CRISPLD2: variants seen among roughly 807,000 people sequenced by gnomAD.
The protein encoded by CRISPLD2 is cysteine-rich secretory protein LCCL domain-containing 2.
Under a neutral mutation model 71.1 loss-of-function variants are expected in CRISPLD2, and 47 were observed. That is an observed-to-expected ratio of 0.66 (90% CI 0.52 to 0.84). The LOEUF (loss-of-function observed/expected upper bound fraction) is 0.84, where lower values mean the gene tolerates loss of function less well. Among genes scored for constraint, CRISPLD2 ranks in the 40% least tolerant of loss-of-function variants. The pLI is 0.00. For synonymous variants in CRISPLD2, 317 were observed against 250.1 expected (o/e 1.27, Z -2.52); for missense variants, 830 against 651.1 (o/e 1.27, Z -2.99).
At chr16:84,877,292 G>C in intron 11 of CRISPLD2, 146 bp from the exon 12 acceptor site, 1 of 606,944 alleles carries the variant, frequency 1.6e-6, no homozygotes, top group Non-Finnish European at 2.9e-6. Context: ...GGGGTACGAG[G>C]AGCCTGCTGG....
At chr16:84,831,613 C>A (rs1470596684) in intron 1 of CRISPLD2, among the ~76,000 whole-genome samples, 1 of 151,706 alleles carries the variant, frequency 6.6e-6, no homozygotes, top group African/African-American at 2.4e-5. Flanking sequence ...ACCATGTTTC[C>A]CAGGCTGGTC....
chr16:84,848,115 C>G (rs1916965245), intron 3 of CRISPLD2, among the ~76,000 whole-genome samples: 2 of 152,148 alleles, frequency 1.3e-5, no homozygotes, highest in Admixed American at 1.3e-4. Context: ...CTCTGCATGG[C>G]CCCCCGGGGC....
At chr16:84,880,217 T>C (rs1174613586) in intron 12 of CRISPLD2, among the ~76,000 whole-genome samples, 1 of 152,218 alleles carries the variant, frequency 6.6e-6, no homozygotes, top group African/African-American at 2.4e-5. Context: ...AATTCCACAC[T>C]CTTCTCTCTT....
rs2071814993 is a variant in CRISPLD2 at position 84,907,573 on chromosome 16, T to C, written c.*931T>C. The C allele has an allele frequency of 6.6e-6, 1 of 152,196 alleles. No individual in the cohort carries two copies. The allele number at this position is 152,196 out of a possible 1,614,324, so 9.4% of individuals were successfully genotyped here. A position where few individuals can be genotyped will look rare whatever the true frequency, so the allele number is the denominator to read the frequency against. On this transcript the variant is annotated 3_prime_UTR_variant, in exon 15 of 15. Coordinates refer to ENST00000262424, the MANE Select transcript of CRISPLD2 (RefSeq NM_031476.4). ...GTCTTAACTCCTGGTCTCGTAAGGT[T>C]CCACTGAGACGAGATGTCTGAGAAC... is the stretch of plus-strand genomic sequence containing the variant.
At chr16:84,885,795 G>A (rs1457531285) in intron 13 of CRISPLD2, among the ~76,000 whole-genome samples, 2 of 150,614 alleles carry the variant, frequency 1.3e-5, no homozygotes, top group Non-Finnish European at 3.0e-5. Flanking sequence ...TGTTAATGTG[G>A]GAATGTTGGA....
intron 14 of CRISPLD2, among the ~76,000 whole-genome samples, chr16:84,890,950 A>G (rs2071656703): frequency 6.6e-6 from 1 of 152,214 alleles, no homozygotes; most frequent in South Asian, 2.1e-4. Context: ...TATTTTTAGT[A>G]GAGATTGGAT....
At position 84,894,279 on chromosome 16, in the gene CRISPLD2, C is replaced by T. The variant is rs116631320; in HGVS notation, c.1439+4916C>T. 3.6e-3 allele frequency among the ~76,000 whole-genome samples: 551 copies of T among 152,230 alleles called. 5 individuals are homozygous for T. Among genetic ancestry groups the T allele is most frequent in the African/African-American group, 0.013 (531 of 41,526 alleles). The stretch of plus-strand genomic sequence containing the variant: ...TGTCTGAATATTCTTGGGGAAATGC[C>T]GGACATCTGGGTGAATGTCAGTTCA... On this transcript the variant is annotated intron_variant, in intron 14 of 14. Transcript: ENST00000262424.
intron 1 of CRISPLD2, among the ~76,000 whole-genome samples, chr16:84,836,917 C>T (rs115497667): frequency 0.012 from 1,783 of 152,296 alleles, 23 homozygotes; most frequent in African/African-American, 0.039. Flanking sequence ...CTGCTTCTTC[C>T]GGCCCTCGAG....
At chr16:84,891,570 G>T (rs1362495205) in intron 14 of CRISPLD2, among the ~76,000 whole-genome samples, 2 of 152,228 alleles carry the variant, frequency 1.3e-5, no homozygotes, top group East Asian at 3.9e-4. Flanking sequence ...GAATTTCCTG[G>T]CCGGGCTGGA....
chr16:84,898,876 T>C (rs1339876247), intron 14 of CRISPLD2, among the ~76,000 whole-genome samples: 1 of 152,108 alleles, frequency 6.6e-6, no homozygotes. Context: ...CTGGGCAACA[T>C]AAGTGAGACC....
rs1483148350 is a variant in CRISPLD2 at position 84,837,431 on chromosome 16, TTC to T, written c.-74-989_-74-988del. Among the ~76,000 whole-genome samples the T allele has an allele frequency of 9.5e-4, 119 of 124,912 alleles. 14 individuals are homozygous for T. Among genetic ancestry groups the T allele is most frequent in the Middle Eastern group, 3.8e-3 (1 of 266 alleles). 81.9% of individuals were successfully genotyped at this position (124,912 alleles called of 152,430 possible). On this transcript the variant is annotated intron_variant, in intron 1 of 14. Coordinates refer to ENST00000262424, the MANE Select transcript of CRISPLD2 (RefSeq NM_031476.4). ...CATAGCTTGCTTTTTTTTTTTTTTTTTCTGAGACGGAGTCTCGCTCTGTCGCC... is the reference window on the plus strand; with the variant it reads ...CATAGCTTGCTTTTTTTTTTTTTTTTTGAGACGGAGTCTCGCTCTGTCGCC...
rs965904093 is a variant in CRISPLD2, at chr16:84,854,765, C to G, written c.645C>G (p.Gly215=). 2.5e-6 allele frequency: 4 copies of G among 1,614,022 alleles called. No individual in the cohort carries two copies. In the African/African-American group the frequency reaches 4.0e-5, roughly 16 times the overall value. The change falls in exon 6 of 15, where the codon GGC becomes GGG. Residue 215 remains glycine (G), a synonymous_variant. Coordinates refer to ENST00000262424, the MANE Select transcript of CRISPLD2 (RefSeq NM_031476.4). ...TTGGAGAAGCCCCCTACAAGAATGG[C>G]CGGCCCTGCTCTGAGTGCCCACCCA... The part of the protein sequence containing the change: ...NWIGEAPYKN[G]RPCSECPPSY...
chr16:84,850,471 C>T (rs1023355831), intron 4 of CRISPLD2, 97 bp from the exon 5 acceptor site: 3 of 912,072 alleles, frequency 3.3e-6, no homozygotes, highest in African/African-American at 3.3e-5. Flanking sequence ...TCACCTCGTA[C>T]CTCTTTAGTG....
At chr16:84,891,342 C>G (rs896562102) in intron 14 of CRISPLD2, among the ~76,000 whole-genome samples, 1 of 152,156 alleles carries the variant, frequency 6.6e-6, no homozygotes, top group Non-Finnish European at 1.5e-5. Flanking sequence ...GCGGGCTTGC[C>G]CTGTCTGTGA....
intron 1 of CRISPLD2, among the ~76,000 whole-genome samples, chr16:84,832,847 C>A (rs1382433310): frequency 1.3e-5 from 2 of 152,248 alleles, no homozygotes; most frequent in Admixed American, 1.3e-4. Flanking sequence ...GCTCCTTCTC[C>A]CTCACTCACT....
At chr16:84,854,965 C>G in intron 6 of CRISPLD2, 136 bp downstream of exon 6, 1 of 691,896 alleles carries the variant, frequency 1.4e-6, no homozygotes, top group Non-Finnish European at 2.6e-6. Context: ...TCAGCACATT[C>G]CTCCCGCCTC....
intron 6 of CRISPLD2, among the ~76,000 whole-genome samples, chr16:84,855,348 G>T (rs1434598070): frequency 1.3e-5 from 2 of 152,116 alleles, no homozygotes; most frequent in Non-Finnish European, 2.9e-5. Context: ...CCCACAATAG[G>T]CCATCTGCAA....
At chr16:84,862,064 T>C (rs1917398548) in intron 6 of CRISPLD2, among the ~76,000 whole-genome samples, 1 of 152,212 alleles carries the variant, frequency 6.6e-6, no homozygotes, top group Non-Finnish European at 1.5e-5. Flanking sequence ...TTTGACCCTT[T>C]ACTCCTGTGT....
At chr16:84,844,471 C>T (rs1916856866) in intron 2 of CRISPLD2, among the ~76,000 whole-genome samples, 1 of 151,490 alleles carries the variant, frequency 6.6e-6, no homozygotes, top group African/African-American at 2.4e-5. Context: ...ACTTTCTTTT[C>T]TTTTCTTTTC....
Sources: gnomAD v4.1 joint callset for allele counts (sites outside exome capture counted in the v4.1 genomes callset) on GRCh38, gnomAD v4.1.1 for gene constraint, MANE v1.5 for transcripts, NCBI Gene and HGNC (gene_info 2026-07-23, HGNC 2026-07-21) for gene names.